NUMB: variants seen among roughly 807,000 people sequenced by gnomAD.
NUMB encodes protein numb homolog.
In NUMB, 29 loss-of-function variants were observed where a neutral mutation model predicts 59.7. The ratio of observed to expected loss-of-function variants is 0.49; its 90% CI spans 0.36 to 0.66. The LOEUF (loss-of-function observed/expected upper bound fraction) is 0.66. NUMB is among the 30% of genes least tolerant of loss of function. NUMB has a pLI of 0.00. For synonymous variants in NUMB, 288 were observed against 288.2 expected, an observed-to-expected ratio of 1.00 and a Z score of 0.01; for missense variants, 723 against 822.0, an observed-to-expected ratio of 0.88 and a Z score of 1.47.
chr14:73,431,909 G>A (rs1230451884), intron 1 of NUMB, among the ~76,000 whole-genome samples: 4 of 151,970 alleles, frequency 2.6e-5, no homozygotes, highest in Non-Finnish European at 5.9e-5. Context: ...GGGGCAGAGA[G>A]TGGTAGACTC....
chr14:73,313,814 CTT>C (rs960861383), intron 6 of NUMB, among the ~76,000 whole-genome samples: 2 of 141,134 alleles, frequency 1.4e-5, no homozygotes, highest in Admixed American at 7.1e-5. Context: ...TTTTTTTTTT[CTT>C]TTTTTTTTTG....
chr14:73,326,376 C>T (rs554882326), intron 4 of NUMB, among the ~76,000 whole-genome samples: 4 of 152,042 alleles, frequency 2.6e-5, no homozygotes, highest in African/African-American at 9.6e-5. Context: ...CCTGTAATCC[C>T]AGCACTTTGG....
rs140016546 is a variant in NUMB, at chr14:73,337,077, C to T, written c.127-13873G>A. Among the ~76,000 whole-genome samples the T allele has an allele frequency of 3.9e-3, 586 of 151,464 alleles. 3 individuals carry two copies. The highest frequency in any genetic ancestry group is 0.01 in the Middle Eastern group (3 of 294). ...TGAAACCCTATCTCTACAAAATATA[C>T]CAAAATTAGCCGGGCGTGGTGGTGC... On this transcript the variant is annotated intron_variant, in intron 4 of 12. Coordinates refer to ENST00000555238, the MANE Select transcript of NUMB (RefSeq NM_001005743.2).
chr14:73,346,286 C>T (rs575262975), intron 4 of NUMB, among the ~76,000 whole-genome samples: 28 of 152,160 alleles, frequency 1.8e-4, no homozygotes, highest in South Asian at 1.0e-3. Context: ...TCGAGACCAG[C>T]TTGACCAACA....
intron 4 of NUMB, among the ~76,000 whole-genome samples, chr14:73,330,740 T>TAGTC (rs113774251): frequency 0.8 from 121,335 of 151,776 alleles, 49,058 homozygotes; most frequent in African/African-American, 0.92. Context: ...TGTCTACTGT[T>TAGTC]AGGGTTTTCC....
chr14:73,331,572 A>G (rs560011909), intron 4 of NUMB, among the ~76,000 whole-genome samples: 1 of 152,254 alleles, frequency 6.6e-6, no homozygotes, highest in Non-Finnish European at 1.5e-5. Context: ...TTTTTCTTCT[A>G]AAAGATACCT....
chr14:73,450,818 G>A (rs968008284), intron 1 of NUMB, among the ~76,000 whole-genome samples: 43 of 151,318 alleles, frequency 2.8e-4, no homozygotes, highest in African/African-American at 1.0e-3. Flanking sequence ...AATACTGGGA[G>A]TTAAAACTTC....
At chr14:73,379,825 T>TC (rs1895143583) in intron 2 of NUMB, among the ~76,000 whole-genome samples, 1 of 152,022 alleles carries the variant, frequency 6.6e-6, no homozygotes, top group Admixed American at 6.6e-5. Flanking sequence ...GGCGAGGAAA[T>TC]GAGGTTGGAA....
At chr14:73,452,993 C>T (rs1255033597) in intron 1 of NUMB, among the ~76,000 whole-genome samples, 1 of 152,224 alleles carries the variant, frequency 6.6e-6, no homozygotes, top group Non-Finnish European at 1.5e-5. Flanking sequence ...AAGAACCACT[C>T]ATTCCTCTAG....
intron 5 of NUMB, among the ~76,000 whole-genome samples, chr14:73,317,104 C>T (rs1188274167): frequency 6.6e-6 from 1 of 152,108 alleles, no homozygotes; most frequent in East Asian, 1.9e-4. Context: ...TCACAACACA[C>T]ATAAGGAAAT....
chr14:73,328,217 G>A (rs1891766979), intron 4 of NUMB, among the ~76,000 whole-genome samples: 1 of 151,510 alleles, frequency 6.6e-6, no homozygotes, highest in Non-Finnish European at 1.5e-5. Flanking sequence ...AGAGGTTGCG[G>A]TGAGCCAAGG....
intron 2 of NUMB, among the ~76,000 whole-genome samples, chr14:73,379,110 C>CCAT (rs1397623976): frequency 6.6e-6 from 1 of 152,178 alleles, no homozygotes; most frequent in African/African-American, 2.4e-5. Context: ...AGCAATGGAA[C>CCAT]CATATACATT....
intron 9 of NUMB, chr14:73,285,031 C>T (rs1467461739): frequency 6.6e-6 from 1 of 151,986 alleles, no homozygotes; most frequent in Non-Finnish European, 1.5e-5. Flanking sequence ...ATTTTTAATA[C>T]ACACGAGGTT....
At chr14:73,443,745 G>C (rs1883259182) in intron 1 of NUMB, among the ~76,000 whole-genome samples, 1 of 151,960 alleles carries the variant, frequency 6.6e-6, no homozygotes, top group Non-Finnish European at 1.5e-5. Flanking sequence ...CTACCTACCG[G>C]GTTCAAGCAA....
chr14:73,311,925 AG>A (rs1890796315), intron 6 of NUMB, among the ~76,000 whole-genome samples: 1 of 152,216 alleles, frequency 6.6e-6, no homozygotes, highest in South Asian at 2.1e-4. Context: ...GCAACTTGAA[AG>A]ATTCAAAAGA....
intron 1 of NUMB, among the ~76,000 whole-genome samples, chr14:73,434,411 T>C (rs1465730129): frequency 2.0e-5 from 3 of 152,228 alleles, no homozygotes; most frequent in Non-Finnish European, 2.9e-5. Context: ...CTTCTTGGAA[T>C]GTAGCATTGG....
chr14:73,283,886 GA>G (rs2139808358), intron 10 of NUMB, among the ~76,000 whole-genome samples, 194 bp downstream of exon 10: 1 of 152,310 alleles, frequency 6.6e-6, no homozygotes, highest in African/African-American at 2.4e-5. Context: ...CCTGTTTGTT[GA>G]AGAGAAATTA....
intron 1 of NUMB, among the ~76,000 whole-genome samples, chr14:73,428,990 T>C (rs926717450): frequency 9.9e-5 from 15 of 152,106 alleles, no homozygotes; most frequent in African/African-American, 2.7e-4. Context: ...AGAACAGATA[T>C]AAAAGATACA....
chr14:73,291,343 A>G (rs1261346289), intron 8 of NUMB, among the ~76,000 whole-genome samples: 3 of 150,924 alleles, frequency 2.0e-5, no homozygotes, highest in Non-Finnish European at 2.9e-5. Context: ...AACCTCCCAA[A>G]GTGCTAGGAT....
Sources: gnomAD v4.1 joint callset for allele counts (sites outside exome capture counted in the v4.1 genomes callset) on GRCh38, gnomAD v4.1.1 for gene constraint, MANE v1.5 for transcripts, NCBI Gene and HGNC (gene_info 2026-07-23, HGNC 2026-07-21) for gene names.